The following AQP9 variants were observed in gnomAD, a reference collection of about 807,000 sequenced individuals.
AQP9 encodes the protein aquaporin 9, also known as aquaporin-9.
In AQP9, 19 loss-of-function variants were observed where a neutral mutation model predicts 23.8. The ratio of observed to expected loss-of-function variants is 0.80; its 90% CI spans 0.56 to 1.17. The LOEUF (loss-of-function observed/expected upper bound fraction) is 1.17. Ranked by LOEUF, AQP9 falls within the 50% of genes most tolerant of loss-of-function variation. The pLI is 0.00. For missense variants in AQP9, 413 were observed against 362.0 expected, an observed-to-expected ratio of 1.14 and a Z score of -1.14; for synonymous variants, 153 against 131.5, an observed-to-expected ratio of 1.16 and a Z score of -1.12.
chr15:58,163,556 T>C (rs1357184525), intron 1 of AQP9, among the ~76,000 whole-genome samples: 3 of 152,082 alleles, frequency 2.0e-5, no homozygotes, highest in African/African-American at 7.2e-5. Context: ...ACGCTACAGT[T>C]GAACTTCAGG....
intron 1 of AQP9, 118 bp from the exon 2 acceptor site, chr15:58,166,555 T>C (rs1898508825): frequency 7.4e-7 from 1 of 1,358,980 alleles, no homozygotes; most frequent in Admixed American, 2.4e-5. Flanking sequence ...TTGATTTGTA[T>C]AAAACCCAAG....
At position 58,179,331 on chromosome 15, in the gene AQP9, G is replaced by C. The variant is rs375182062; in HGVS notation, c.699G>C (p.Gly233=). 2.1e-5 allele frequency: 34 copies of C among 1,612,736 alleles called. No homozygotes were observed. In the African/African-American group the frequency reaches 4.1e-4, roughly 20 times the overall value. Residue 233 remains glycine (G), a synonymous_variant, in exon 5 of 6, where the codon GGG becomes GGC. Coordinates refer to ENST00000219919, the MANE Select transcript of AQP9 (RefSeq NM_020980.5). ...PRLFTALAGW[G]FEVFRAGNNF... Reference sequence around the variant, plus strand: ...TTTTCACTGCCTTGGCAGGCTGGGGGTTTGAAGTCTTCAGGTAAGTAACAG... The same window carrying C: ...TTTTCACTGCCTTGGCAGGCTGGGGCTTTGAAGTCTTCAGGTAAGTAACAG...
chr15:58,176,312 G>C (rs1898752690), intron 4 of AQP9, among the ~76,000 whole-genome samples: 1 of 152,062 alleles, frequency 6.6e-6, no homozygotes. Context: ...GAGCCCAGGA[G>C]TTCACTACCA....
At chr15:58,159,286 T>G (rs1025055695) in intron 1 of AQP9, among the ~76,000 whole-genome samples, 24 of 147,954 alleles carry the variant, frequency 1.6e-4, no homozygotes, top group Non-Finnish European at 3.3e-4. Context: ...TTAAGTTGGG[T>G]TTTTTTTTTA....
intron 2 of AQP9, among the ~76,000 whole-genome samples, chr15:58,171,577 A>C (rs192065161): frequency 6.6e-6 from 1 of 152,196 alleles, no homozygotes; most frequent in African/African-American, 2.4e-5. Context: ...TGGATTTGAA[A>C]GGAAAACACA....
chr15:58,174,542 G>A lies in AQP9; in HGVS notation c.377-376G>A, dbSNP rs537004338. Among the ~76,000 whole-genome samples the A allele has an allele frequency of 1.6e-3, 237 of 152,210 alleles. 1 individual carries two copies. The highest frequency in any genetic ancestry group is 5.7e-3 in the African/African-American group (235 of 41,530). On this transcript the variant is annotated intron_variant, in intron 3 of 5. Coordinates refer to ENST00000219919, the MANE Select transcript of AQP9 (RefSeq NM_020980.5). ...CCTCAAATTCTGGAGTGGTATTAGG[G>A]GTTACTGAGAGCCCTCTGGGAATTA...
intron 5 of AQP9, among the ~76,000 whole-genome samples, chr15:58,181,967 C>G (rs899199819): frequency 6.6e-6 from 1 of 151,726 alleles, no homozygotes; most frequent in Non-Finnish European, 1.5e-5. Context: ...AGTAGATATC[C>G]TAGCTTGGAC....
At chr15:58,161,793 T>G (rs967689258) in intron 1 of AQP9, among the ~76,000 whole-genome samples, 1 of 152,218 alleles carries the variant, frequency 6.6e-6, no homozygotes, top group African/African-American at 2.4e-5. Context: ...TTATCTCATT[T>G]GATTCTTTAT....
chr15:58,147,597 G>A (rs1221280071), intron 1 of AQP9, among the ~76,000 whole-genome samples: 1 of 152,120 alleles, frequency 6.6e-6, no homozygotes, highest in African/African-American at 2.4e-5. Flanking sequence ...TAAGATGTGA[G>A]CCTAGAACAG....
chr15:58,178,275 C>A (rs1898800383), intron 4 of AQP9, among the ~76,000 whole-genome samples: 1 of 152,016 alleles, frequency 6.6e-6, no homozygotes, highest in South Asian at 2.1e-4. Flanking sequence ...ATTTTTTTCA[C>A]TTAATGTTAT....
At chr15:58,174,422 C>G (rs528701393) in intron 3 of AQP9, among the ~76,000 whole-genome samples, 1 of 152,118 alleles carries the variant, frequency 6.6e-6, no homozygotes, top group Non-Finnish European at 1.5e-5. Flanking sequence ...ATTCAGAGCC[C>G]GCTGCTGTGG....
chr15:58,183,182 T>A (rs1323131773), intron 5 of AQP9, among the ~76,000 whole-genome samples: 17 of 152,226 alleles, frequency 1.1e-4, no homozygotes, highest in Non-Finnish European at 2.1e-4. Flanking sequence ...CCCTGCTTTT[T>A]AAAAATACTT....
intron 1 of AQP9, among the ~76,000 whole-genome samples, chr15:58,160,236 ATAGT>A (rs1405108601): frequency 1.4e-5 from 2 of 145,948 alleles, no homozygotes; most frequent in African/African-American, 5.1e-5. Context: ...CATTTCTCTG[ATAGT>A]TAATGATGCT....
At chr15:58,142,680 G>A (rs1897971916) in intron 1 of AQP9, among the ~76,000 whole-genome samples, 1 of 152,186 alleles carries the variant, frequency 6.6e-6, no homozygotes, top group African/African-American at 2.4e-5. Context: ...TTGGTTCAGA[G>A]CAAAGGACCT....
chr15:58,179,508 GATGTGTGTGT>G (rs1238385861), intron 5 of AQP9, among the ~76,000 whole-genome samples, 163 bp downstream of exon 5: 1 of 74,276 alleles, frequency 1.3e-5, no homozygotes, highest in African/African-American at 4.7e-5. Flanking sequence ...TTTGTGGTAT[GATGTGTGTGT>G]GTGTGTGTGT....
chr15:58,173,056 C>T lies in AQP9; in HGVS notation c.239-12C>T. 6.2e-7 allele frequency: 1 copy of T among 1,613,908 alleles called. No homozygotes were observed. Among genetic ancestry groups the T allele is most frequent in the East Asian group, 2.2e-5 (1 of 44,878 alleles). On this transcript the variant is annotated splice_polypyrimidine_tract_variant and intron_variant, in intron 2 of 5. Transcript: ENST00000219919. ...TAACCTGCCCTCTCACTTCTCCAATCTTCCCTTGCAGGTGGTCACATCAAC... is the reference window on the plus strand; with the variant it reads ...TAACCTGCCCTCTCACTTCTCCAATTTTCCCTTGCAGGTGGTCACATCAAC...
At chr15:58,147,478 C>T (rs1898068453) in intron 1 of AQP9, among the ~76,000 whole-genome samples, 1 of 152,158 alleles carries the variant, frequency 6.6e-6, no homozygotes, top group African/African-American at 2.4e-5. Context: ...TTGCTGAGTT[C>T]ACTGAAACTT....
At chr15:58,146,996 C>G (rs1256055697) in intron 1 of AQP9, 1 of 152,176 alleles carries the variant, frequency 6.6e-6, no homozygotes, top group East Asian at 1.9e-4. Context: ...CAGACTTCCC[C>G]CTATCAGCAA....
At chr15:58,173,992 T>C (rs1191890922) in intron 3 of AQP9, among the ~76,000 whole-genome samples, 2 of 151,854 alleles carry the variant, frequency 1.3e-5, no homozygotes, top group Non-Finnish European at 2.9e-5. Flanking sequence ...TAGAAATGGG[T>C]CATGGAGGGC....
Sources: allele counts gnomAD v4.1 joint callset (sites outside exome capture counted in the v4.1 genomes callset), GRCh38; gene constraint gnomAD v4.1.1; transcripts MANE v1.5; gene names NCBI Gene and HGNC (gene_info 2026-07-23, HGNC 2026-07-21).